PPP6R3: variants seen among roughly 807,000 people sequenced by gnomAD.
PPP6R3 encodes the protein protein phosphatase 6 regulatory subunit 3.
A neutral mutation model predicts 110.7 loss-of-function variants in PPP6R3; 38 were observed. The observed-to-expected ratio is 0.34, with a 90% CI of 0.26 to 0.45. The LOEUF is 0.45. Among genes scored for constraint, PPP6R3 ranks in the 20% least tolerant of loss-of-function variants. PPP6R3 has a pLI of 1.00. For synonymous variants in PPP6R3, 369 were observed against 373.5 expected (o/e 0.99, Z 0.14); for missense variants, 870 against 1,062.4 (o/e 0.82, Z 2.52).
intron 1 of PPP6R3, among the ~76,000 whole-genome samples, chr11:68,500,488 A>G (rs2153477330): frequency 6.6e-6 from 1 of 152,010 alleles, no homozygotes; most frequent in South Asian, 2.1e-4. Context: ...AAACTTTTTT[A>G]TTTTTTTGAG....
At chr11:68,542,397 T>TG (rs1565717266) in intron 3 of PPP6R3, among the ~76,000 whole-genome samples, 4 of 111,066 alleles carry the variant, frequency 3.6e-5, no homozygotes, top group African/African-American at 1.4e-4. Context: ...CTGTTTTTTT[T>TG]TTTTTTTTTT....
At chr11:68,573,479 A>G (rs2099518496) in intron 12 of PPP6R3, among the ~76,000 whole-genome samples, 1 of 152,056 alleles carries the variant, frequency 6.6e-6, no homozygotes, top group Non-Finnish European at 1.5e-5. Flanking sequence ...AAGATTGATC[A>G]TGGTTGGGAA....
chr11:68,591,268 A>T (rs576988514), intron 17 of PPP6R3, among the ~76,000 whole-genome samples: 1 of 152,354 alleles, frequency 6.6e-6, no homozygotes, highest in East Asian at 1.9e-4. Flanking sequence ...TTGCTAGGAC[A>T]GACCTGGGAC....
chr11:68,582,443 G>T lies in PPP6R3; in HGVS notation c.1546-600G>T, dbSNP rs560983596. On this transcript the variant is annotated intron_variant, in intron 14 of 23. Coordinates refer to ENST00000393800, the MANE Select transcript of PPP6R3 (RefSeq NM_001164161.2). ...TTTGCTTAATTACTGAAAGTTGGTT[G>T]TAAGTTCTGGGGGCAGGGTGCACAT... Among the ~76,000 whole-genome samples the T allele has an allele frequency of 2.0e-5, 3 of 152,318 alleles. No individual in the cohort carries two copies. The East Asian group carries it at 5.8e-4, about 29-fold the overall frequency.
intron 5 of PPP6R3, among the ~76,000 whole-genome samples, chr11:68,548,828 T>C (rs1484423802): frequency 6.6e-6 from 1 of 152,140 alleles, no homozygotes; most frequent in Non-Finnish European, 1.5e-5. Context: ...GTGAGTAACT[T>C]GAAAATAAGG....
At chr11:68,583,213 G>C (rs2099568259) in intron 15 of PPP6R3, 84 bp downstream of exon 15, 1 of 1,052,508 alleles carries the variant, frequency 9.5e-7, no homozygotes, top group Admixed American at 2.7e-5. Flanking sequence ...TTCAGAGTCA[G>C]ATTATGTATT....
At chr11:68,497,290 G>A (rs1228934975) in intron 1 of PPP6R3, among the ~76,000 whole-genome samples, 5 of 149,900 alleles carry the variant, frequency 3.3e-5, no homozygotes, top group East Asian at 3.9e-4. Flanking sequence ...TCCTGACCTC[G>A]TGATCCGCCC....
At chr11:68,485,703 ATTTAT>A (rs897835081) in intron 1 of PPP6R3, among the ~76,000 whole-genome samples, 2 of 151,316 alleles carry the variant, frequency 1.3e-5, no homozygotes, top group African/African-American at 4.8e-5. Context: ...TTAAAAAATT[ATTTAT>A]TTTGAGACAA....
At chr11:68,497,346 G>A (rs1290291479) in intron 1 of PPP6R3, among the ~76,000 whole-genome samples, 3 of 151,360 alleles carry the variant, frequency 2.0e-5, no homozygotes, top group Non-Finnish European at 2.9e-5. Flanking sequence ...GAGCCACCAC[G>A]TCCGGCCTCT....
In PPP6R3 at chr11:68,614,354, G is replaced by A; in HGVS notation, c.*1237G>A. 8.5e-7 allele frequency: 1 copy of A among 1,181,344 alleles called. No homozygotes were observed. Among genetic ancestry groups the A allele is most frequent in the Non-Finnish European group, 1.1e-6 (1 of 950,762 alleles). 73.2% of individuals were successfully genotyped at this position (1,181,344 alleles called of 1,614,324 possible). A position where few individuals can be genotyped will look rare whatever the true frequency, so the allele number is the denominator to read the frequency against. ...CAGCTCAAGCAATATATTGTATATT[G>A]CCATATCGTCTGGTGAAAGGGTTAA... On this transcript the variant is annotated 3_prime_UTR_variant, in exon 24 of 24. Transcript: ENST00000393800.
At chr11:68,598,625 T>C (rs1466440516) in intron 19 of PPP6R3, among the ~76,000 whole-genome samples, 1 of 152,210 alleles carries the variant, frequency 6.6e-6, no homozygotes, top group Non-Finnish European at 1.5e-5. Context: ...TCCACCAGTC[T>C]CTGTGGCTTC....
intron 12 of PPP6R3, among the ~76,000 whole-genome samples, chr11:68,573,815 AAAT>A (rs1281979658): frequency 2.0e-5 from 3 of 152,198 alleles, no homozygotes; most frequent in Non-Finnish European, 4.4e-5. Context: ...ATCTTTTAAA[AAAT>A]AATGTGTTAT....
At chr11:68,474,527 C>T (rs1175878241) in intron 1 of PPP6R3, among the ~76,000 whole-genome samples, 1 of 151,926 alleles carries the variant, frequency 6.6e-6, no homozygotes, top group Non-Finnish European at 1.5e-5. Flanking sequence ...TGTAATTTTC[C>T]TTTTTTTATA....
At chr11:68,485,191 C>T (rs2098938777) in intron 1 of PPP6R3, among the ~76,000 whole-genome samples, 1 of 149,770 alleles carries the variant, frequency 6.7e-6, no homozygotes, top group Admixed American at 6.7e-5. Context: ...TTGTTCCTTG[C>T]AGGTATATAG....
At chr11:68,579,342 A>G (rs547897212) in intron 14 of PPP6R3, among the ~76,000 whole-genome samples, 3 of 152,304 alleles carry the variant, frequency 2.0e-5, no homozygotes, top group African/African-American at 4.8e-5. Flanking sequence ...GTAAACACCA[A>G]TTTGCTTTTT....
At chr11:68,499,692 C>T (rs896203447) in intron 1 of PPP6R3, among the ~76,000 whole-genome samples, 2 of 152,104 alleles carry the variant, frequency 1.3e-5, no homozygotes, top group African/African-American at 4.8e-5. Flanking sequence ...CTTCAGCCTC[C>T]TGAGTAGCTA....
At chr11:68,525,253 C>T (rs1041858776) in intron 2 of PPP6R3, among the ~76,000 whole-genome samples, 3 of 152,324 alleles carry the variant, frequency 2.0e-5, no homozygotes, top group East Asian at 3.9e-4. Flanking sequence ...AGCCCAGAGT[C>T]TGGCAGTATG....
chr11:68,556,245 A>C (rs2153713733), intron 7 of PPP6R3, among the ~76,000 whole-genome samples: 1 of 152,290 alleles, frequency 6.6e-6, no homozygotes, highest in East Asian at 1.9e-4. Flanking sequence ...CATATGGAAA[A>C]ATTTGAAATG....
intron 1 of PPP6R3, among the ~76,000 whole-genome samples, chr11:68,472,310 T>C (rs2098797957): frequency 6.6e-6 from 1 of 152,232 alleles, no homozygotes; most frequent in Admixed American, 6.5e-5. Context: ...ACTTCTCTGT[T>C]ACATTGCAGA....
Sources: allele counts gnomAD v4.1 joint callset (sites outside exome capture counted in the v4.1 genomes callset), GRCh38; gene constraint gnomAD v4.1.1; transcripts MANE v1.5; gene names NCBI Gene and HGNC (gene_info 2026-07-23, HGNC 2026-07-21).